BMAL2: variants seen among roughly 807,000 people sequenced by gnomAD.
BMAL2 encodes basic helix-loop-helix ARNT-like protein 2.
chr12:27,375,347 T>C, the BMAL2 span, among the ~76,000 whole-genome samples: 21 of 152,214 alleles, frequency 1.4e-4, no homozygotes, highest in Non-Finnish European at 2.4e-4. Context: ...AAATTATAAC[T>C]AATCAGTGGG....
At chr12:27,333,277 G>A in the BMAL2 span, 2 of 625,456 alleles carry the variant, frequency 3.2e-6, no homozygotes, top group South Asian at 8.1e-5. Flanking sequence ...CCGCCCCGTG[G>A]GGCACAGGTG....
the BMAL2 span, among the ~76,000 whole-genome samples, chr12:27,391,556 G>C: frequency 6.6e-6 from 1 of 152,212 alleles, no homozygotes; most frequent in Non-Finnish European, 1.5e-5. Context: ...TGTATACCCA[G>C]TAATGGGACT....
the BMAL2 span, chr12:27,415,724 G>C: frequency 1.6e-6 from 1 of 625,338 alleles, no homozygotes; most frequent in Non-Finnish European, 2.8e-6. Flanking sequence ...CACCTAGTAA[G>C]TCAGTCTAAT....
chr12:27,400,856 T>G, the BMAL2 span: 1 of 1,110,728 alleles, frequency 9.0e-7, no homozygotes. Flanking sequence ...GCACTGCTAG[T>G]TTTTCTTTTT....
chr12:27,370,912 G>A, the BMAL2 span, among the ~76,000 whole-genome samples: 1 of 152,116 alleles, frequency 6.6e-6, no homozygotes, highest in Non-Finnish European at 1.5e-5. Flanking sequence ...CTGGAGAGCT[G>A]GTTCTTTAGA....
At chr12:27,401,200 C>T in the BMAL2 span, 1 of 1,348,066 alleles carries the variant, frequency 7.4e-7, no homozygotes, top group Non-Finnish European at 1.1e-6. Context: ...GGCCTACAGT[C>T]TTCTGGGAGG....
At chr12:27,382,561 A>C in the BMAL2 span, among the ~76,000 whole-genome samples, 1 of 152,188 alleles carries the variant, frequency 6.6e-6, no homozygotes, top group Non-Finnish European at 1.5e-5. Flanking sequence ...AGCTCTGCTG[A>C]ACAGAAGTGA....
At chr12:27,409,506 A>G in the BMAL2 span, among the ~76,000 whole-genome samples, 2 of 152,244 alleles carry the variant, frequency 1.3e-5, no homozygotes, top group East Asian at 1.9e-4. Context: ...AGGATTCCCT[A>G]TTCAATAAAT....
the BMAL2 span, chr12:27,387,456 G>C: frequency 0.12 from 77,641 of 632,444 alleles, 5,262 homozygotes; most frequent in African/African-American, 0.18. Flanking sequence ...CTCCAAGAGA[G>C]ATGGAAAGCT....
chr12:27,424,017 TTAA>T, the BMAL2 span: 1 of 152,212 alleles, frequency 6.6e-6, no homozygotes, highest in African/African-American at 2.4e-5. Context: ...AAATATCACA[TTAA>T]TAATTTTATA....
At chr12:27,368,426 G>C in the BMAL2 span, 1 of 1,613,672 alleles carries the variant, frequency 6.2e-7, no homozygotes, top group Non-Finnish European at 8.5e-7. Flanking sequence ...AGTGAATTTG[G>C]TCCTCTAACC....
the BMAL2 span, among the ~76,000 whole-genome samples, chr12:27,394,815 G>C: frequency 6.6e-6 from 1 of 152,192 alleles, no homozygotes; most frequent in Non-Finnish European, 1.5e-5. Context: ...CTCATCATGG[G>C]ATTAGTGTTC....
At chr12:27,412,332 A>G in the BMAL2 span, among the ~76,000 whole-genome samples, 1 of 152,154 alleles carries the variant, frequency 6.6e-6, no homozygotes, top group South Asian at 2.1e-4. Context: ...CAGAGACTCA[A>G]TTGAGAGAGG....
the BMAL2 span, among the ~76,000 whole-genome samples, chr12:27,362,517 G>C: frequency 6.6e-6 from 1 of 152,126 alleles, no homozygotes; most frequent in Non-Finnish European, 1.5e-5. Flanking sequence ...CTGTGAAAGA[G>C]GTAGAACATG....
chr12:27,368,499 C>T, the BMAL2 span: 2 of 1,474,298 alleles, frequency 1.4e-6, no homozygotes, highest in Non-Finnish European at 9.3e-7. Flanking sequence ...TTAATTATTT[C>T]CAAGTTCATG....
the BMAL2 span, among the ~76,000 whole-genome samples, chr12:27,416,951 A>G: frequency 6.6e-6 from 1 of 152,228 alleles, no homozygotes; most frequent in African/African-American, 2.4e-5. Context: ...GCAGACTGCA[A>G]CTGTCTAAAA....
chr12:27,390,084 T>C, the BMAL2 span: 2 of 1,613,384 alleles, frequency 1.2e-6, no homozygotes, highest in Non-Finnish European at 1.7e-6. Context: ...CTCGCCCCCT[T>C]CTGCACGAAA....
the BMAL2 span, chr12:27,368,486 T>C: frequency 6.6e-7 from 1 of 1,514,964 alleles, no homozygotes; most frequent in African/African-American, 1.4e-5. Context: ...CCTTTTAAAA[T>C]CATTAATTAT....
chr12:27,340,708 C>G, the BMAL2 span, among the ~76,000 whole-genome samples: 3 of 152,126 alleles, frequency 2.0e-5, no homozygotes, highest in Non-Finnish European at 2.9e-5. Context: ...GTAGATAGTC[C>G]ATTTTAACAA....
Sources: gnomAD v4.1 joint callset for allele counts (sites outside exome capture counted in the v4.1 genomes callset) on GRCh38, gnomAD v4.1.1 for gene constraint, MANE v1.5 for transcripts, NCBI Gene and HGNC (gene_info 2026-07-23, HGNC 2026-07-21) for gene names.